SLC2A9: variants seen among roughly 807,000 people sequenced by gnomAD.
SLC2A9 encodes the protein solute carrier family 2, facilitated glucose transporter member 9.
Under a neutral mutation model 50.6 loss-of-function variants are expected in SLC2A9, and 39 were observed. The observed-to-expected ratio is 0.77, with a 90% confidence interval of 0.60 to 1.01. SLC2A9 has a LOEUF of 1.01. Among genes scored for constraint, SLC2A9 ranks in the 50% least tolerant of loss-of-function variants. The pLI, the probability that SLC2A9 is intolerant of heterozygous loss-of-function variation, is 0.00. For missense variants in SLC2A9, 686 were observed against 677.6 expected (o/e 1.01, Z -0.14); for synonymous variants, 324 against 276.9 (o/e 1.17, Z -1.69).
chr4:9,885,660 G>T lies in SLC2A9; in HGVS notation c.1291+1907C>A, dbSNP rs572674511. ...TACTATGTCTTCAGCACAGTTCTAG[G>T]TTATCAGGATAAGATTGTGAACCAC... On this transcript the variant is annotated intron_variant, in intron 10 of 11. Coordinates refer to ENST00000264784, the MANE Select transcript of SLC2A9 (RefSeq NM_020041.3). Among the ~76,000 whole-genome samples, 15 of 152,294 alleles carry T rather than the reference G, an allele frequency of 9.8e-5. No homozygotes were observed. The South Asian group carries it at 2.3e-3, about 23-fold the overall frequency.
chr4:9,934,716 C>T (rs1333849887), intron 6 of SLC2A9, among the ~76,000 whole-genome samples: 2 of 152,196 alleles, frequency 1.3e-5, no homozygotes, highest in Non-Finnish European at 2.9e-5. Flanking sequence ...CATAAATAAA[C>T]ATCTGCCATG....
At chr4:9,891,425 A>G (rs1737409873) in intron 8 of SLC2A9, among the ~76,000 whole-genome samples, 1 of 152,194 alleles carries the variant, frequency 6.6e-6, no homozygotes, top group South Asian at 2.1e-4. Context: ...TATTTTCCAG[A>G]TGCACGAACT....
intron 2 of SLC2A9, among the ~76,000 whole-genome samples, chr4:10,011,077 A>T (rs1228564173): frequency 6.6e-6 from 1 of 150,898 alleles, no homozygotes; most frequent in Non-Finnish European, 1.5e-5. Flanking sequence ...TGAACCCCTC[A>T]CCCTTTGGCT....
At chr4:9,803,840 T>C (rs1721783473) in intron 3 of SLC2A9, among the ~76,000 whole-genome samples, 1 of 152,214 alleles carries the variant, frequency 6.6e-6, no homozygotes, top group African/African-American at 2.4e-5. Flanking sequence ...ATGAAGGATA[T>C]ACTTATTAAA....
At chr4:9,792,145 G>T (rs977973414) in intron 3 of SLC2A9, among the ~76,000 whole-genome samples, 13 of 123,342 alleles carry the variant, frequency 1.1e-4, no homozygotes, top group Non-Finnish European at 2.3e-4. Flanking sequence ...ACCAGGAGAT[G>T]TTTTCTATTC....
chr4:9,880,986 A>G lies in SLC2A9; in HGVS notation c.1291+6581T>C, dbSNP rs1485360915. Among the ~76,000 whole-genome samples the G allele has an allele frequency of 4.6e-5, 7 of 152,178 alleles. No individual in the cohort carries two copies. In the South Asian group the frequency reaches 1.0e-3, roughly 23 times the overall value. Reference sequence around the variant, plus strand: ...GAGTTCCATAAAACCGCAAATCCTTAGTGCAACAGCCAAGACGCTCTGAGA... The same window carrying G: ...GAGTTCCATAAAACCGCAAATCCTTGGTGCAACAGCCAAGACGCTCTGAGA... On this transcript the variant is annotated intron_variant, in intron 10 of 11. Transcript: ENST00000264784.
chr4:9,796,056 A>T (rs967370560), downstream of SLC2A9, among the ~76,000 whole-genome samples: 4 of 152,214 alleles, frequency 2.6e-5, no homozygotes, highest in Non-Finnish European at 5.9e-5. Flanking sequence ...CACACAGTAC[A>T]TGTGGCACGG....
At chr4:9,904,428 C>T (rs1388909265) in intron 8 of SLC2A9, among the ~76,000 whole-genome samples, 1 of 152,184 alleles carries the variant, frequency 6.6e-6, no homozygotes, top group Non-Finnish European at 1.5e-5. Flanking sequence ...CCTTCTCTGA[C>T]TCTGACCCTC....
chr4:9,908,408 A>T, intron 7 of SLC2A9, 63 bp from the exon 8 acceptor site: 1 of 1,241,992 alleles, frequency 8.1e-7, no homozygotes, highest in Non-Finnish European at 1.2e-6. Flanking sequence ...CTATTTTCTA[A>T]ATCAAATTTG....
intron 2 of SLC2A9, among the ~76,000 whole-genome samples, chr4:10,016,104 C>G (rs1472261200): frequency 6.6e-6 from 1 of 152,208 alleles, no homozygotes; most frequent in African/African-American, 2.4e-5. Flanking sequence ...CAAAGGACAC[C>G]AGGCTAAAAA....
chr4:9,786,525 G>A (rs3973948), intron 3 of SLC2A9, among the ~76,000 whole-genome samples: 1 of 152,202 alleles, frequency 6.6e-6, no homozygotes, highest in Non-Finnish European at 1.5e-5. Flanking sequence ...TTGTGTACCT[G>A]CTCTTTGCAC....
intron 9 of SLC2A9, 122 bp downstream of exon 9, chr4:9,890,488 G>C (rs1294286256): frequency 1.1e-6 from 1 of 928,694 alleles, no homozygotes; most frequent in Non-Finnish European, 1.7e-6. Context: ...TCCCCGGGGA[G>C]AGCTTTATCA....
chr4:9,900,931 A>G (rs1259586500), intron 8 of SLC2A9, among the ~76,000 whole-genome samples: 1 of 152,190 alleles, frequency 6.6e-6, no homozygotes, highest in African/African-American at 2.4e-5. Context: ...CCCATGACAC[A>G]TGGGGATTGT....
At chr4:9,853,336 A>G (rs1040171384) in intron 10 of SLC2A9, among the ~76,000 whole-genome samples, 2 of 152,164 alleles carry the variant, frequency 1.3e-5, no homozygotes, top group African/African-American at 4.8e-5. Context: ...AACAGAAAAA[A>G]ATCAGGGGGT....
chr4:9,859,935 C>A (rs1426398839), intron 10 of SLC2A9, among the ~76,000 whole-genome samples: 1 of 152,206 alleles, frequency 6.6e-6, no homozygotes, highest in African/African-American at 2.4e-5. Flanking sequence ...CTGAATACCC[C>A]TTGGCTGCAC....
chr4:9,990,986 C>T (rs1009570987), intron 3 of SLC2A9, among the ~76,000 whole-genome samples: 2 of 152,230 alleles, frequency 1.3e-5, no homozygotes, highest in African/African-American at 4.8e-5. Context: ...AGGGTTGACT[C>T]TTCTCCAGAA....
At chr4:9,847,727 T>C (rs1160946835) in intron 10 of SLC2A9, among the ~76,000 whole-genome samples, 1 of 152,252 alleles carries the variant, frequency 6.6e-6, no homozygotes, top group Non-Finnish European at 1.5e-5. Context: ...CATTGGGCAG[T>C]AATAATAAAA....
chr4:10,018,471 G>A (rs1411844459), intron 2 of SLC2A9, among the ~76,000 whole-genome samples: 2 of 152,138 alleles, frequency 1.3e-5, no homozygotes, highest in Non-Finnish European at 2.9e-5. Context: ...GAACGTGGGA[G>A]GCGGCGGTTG....
chr4:9,842,817 T>C (rs1322797892), intron 10 of SLC2A9, among the ~76,000 whole-genome samples: 3 of 152,222 alleles, frequency 2.0e-5, no homozygotes, highest in African/African-American at 7.2e-5. Context: ...TCTTCTTTGC[T>C]ATCTTGTTTG....
Sources: allele counts gnomAD v4.1 joint callset (sites outside exome capture counted in the v4.1 genomes callset), GRCh38; gene constraint gnomAD v4.1.1; transcripts MANE v1.5; gene names NCBI Gene and HGNC (gene_info 2026-07-23, HGNC 2026-07-21).